The following TENM3 variants were observed in gnomAD, a reference collection of about 807,000 sequenced individuals.
The protein encoded by TENM3 is teneurin-3.
In TENM3, 63 loss-of-function variants were observed where a neutral mutation model predicts 255.1. The ratio of observed to expected loss-of-function variants is 0.25; its 90% CI spans 0.20 to 0.30. TENM3 has a LOEUF of 0.30. Among genes scored for constraint, TENM3 ranks in the 10% least tolerant of loss-of-function variants. TENM3 has a pLI of 1.00. For missense variants in TENM3, 2,929 were observed against 3,461.1 expected (o/e 0.85, Z 3.86); for synonymous variants, 1,306 against 1,322.3 (o/e 0.99, Z 0.27).
intron 5 of TENM3, among the ~76,000 whole-genome samples, chr4:182,646,844 A>C (rs1752793204): frequency 6.6e-6 from 1 of 152,206 alleles, no homozygotes; most frequent in African/African-American, 2.4e-5. Flanking sequence ...AGTTAAAGTG[A>C]GGAGAAAAGA....
chr4:181,849,494 GATTA>G, the TENM3 span, among the ~76,000 whole-genome samples: 1 of 152,102 alleles, frequency 6.6e-6, no homozygotes, highest in African/African-American at 2.4e-5. Flanking sequence ...TAGAGAAAAT[GATTA>G]ATTAGATTTC....
chr4:182,616,868 G>A (rs946016810), intron 4 of TENM3, among the ~76,000 whole-genome samples: 16 of 152,096 alleles, frequency 1.1e-4, no homozygotes, highest in African/African-American at 3.6e-4. Context: ...AGTAAGAACG[G>A]GTAATTTTCT....
rs1579172672 is a variant in TENM3, at chr4:182,704,691, A to G, written c.2222-9396A>G. ...CAGATAATTTTTACACCAAGTTTCC[A>G]AACTGTAAAAAGAATAAAATATGTA... On this transcript the variant is annotated intron_variant, in intron 12 of 27. Coordinates refer to ENST00000511685, the MANE Select transcript of TENM3 (RefSeq NM_001080477.4). 2.0e-5 allele frequency among the ~76,000 whole-genome samples: 3 copies of G among 152,230 alleles called. No individual in the cohort carries two copies. The South Asian group carries it at 6.2e-4, about 32-fold the overall frequency.
At chr4:182,674,064 A>G (rs1755449950) in intron 7 of TENM3, among the ~76,000 whole-genome samples, 2 of 152,224 alleles carry the variant, frequency 1.3e-5, no homozygotes, top group Admixed American at 1.3e-4. Flanking sequence ...ACGTTAGTAC[A>G]TAGAGGAATA....
the TENM3 span, among the ~76,000 whole-genome samples, chr4:181,710,974 T>C: frequency 2.6e-5 from 4 of 152,070 alleles, no homozygotes; most frequent in Non-Finnish European, 5.9e-5. Context: ...AGAAGGGTAC[T>C]TTTAAATATA....
At chr4:182,447,424 C>T (rs1366024420) in intron 3 of TENM3, among the ~76,000 whole-genome samples, 25 of 152,260 alleles carry the variant, frequency 1.6e-4, no homozygotes, top group Non-Finnish European at 3.4e-4. Context: ...ATTCTTGTAG[C>T]ATTGGGTATA....
At chr4:181,533,721 C>T in the TENM3 span, among the ~76,000 whole-genome samples, 1 of 151,656 alleles carries the variant, frequency 6.6e-6, no homozygotes, top group Non-Finnish European at 1.5e-5. Context: ...CATGCCTATA[C>T]CCCTGCCTTT....
At chr4:182,610,910 ATT>A (rs370512327) in intron 4 of TENM3, among the ~76,000 whole-genome samples, 9 of 141,614 alleles carry the variant, frequency 6.4e-5, no homozygotes, top group Admixed American at 1.4e-4. Context: ...TGCCCAGCTA[ATT>A]TTTTTTTTTT....
At chr4:181,807,728 G>A in the TENM3 span, among the ~76,000 whole-genome samples, 2 of 152,034 alleles carry the variant, frequency 1.3e-5, no homozygotes, top group Non-Finnish European at 2.9e-5. Flanking sequence ...GAACATTATT[G>A]GGAATACTTC....
intron 4 of TENM3, among the ~76,000 whole-genome samples, chr4:182,601,586 T>C (rs1056049172): frequency 4.6e-5 from 7 of 152,208 alleles, no homozygotes; most frequent in African/African-American, 7.2e-5. Flanking sequence ...ACATCATATA[T>C]TCATAGTGGA....
chr4:181,955,653 G>T, the TENM3 span, among the ~76,000 whole-genome samples: 1 of 152,186 alleles, frequency 6.6e-6, no homozygotes, highest in Non-Finnish European at 1.5e-5. Context: ...GGGCACAGAT[G>T]ACAAAGGGGC....
At chr4:181,833,062 G>C in the TENM3 span, among the ~76,000 whole-genome samples, 1 of 152,192 alleles carries the variant, frequency 6.6e-6, no homozygotes, top group East Asian at 1.9e-4. Flanking sequence ...TGAAAGAACT[G>C]AGATTGTGTA....
intron 3 of TENM3, among the ~76,000 whole-genome samples, chr4:182,548,173 T>G (rs1045392226): frequency 6.6e-6 from 1 of 152,078 alleles, no homozygotes; most frequent in Non-Finnish European, 1.5e-5. Flanking sequence ...TGCAGTGATC[T>G]ATGATCATAC....
chr4:182,512,974 C>T (rs1279369403), intron 3 of TENM3, among the ~76,000 whole-genome samples: 1 of 152,146 alleles, frequency 6.6e-6, no homozygotes. Context: ...TGGAATAGGA[C>T]ATGATATCCT....
At chr4:182,406,902 C>T (rs1181672508) in intron 3 of TENM3, among the ~76,000 whole-genome samples, 3 of 152,162 alleles carry the variant, frequency 2.0e-5, no homozygotes, top group African/African-American at 7.2e-5. Flanking sequence ...GAAGCAGATT[C>T]GCCATCTTTA....
At chr4:181,689,731 A>G in the TENM3 span, among the ~76,000 whole-genome samples, 1 of 152,152 alleles carries the variant, frequency 6.6e-6, no homozygotes, top group Non-Finnish European at 1.5e-5. Flanking sequence ...AAGTCACTCA[A>G]TTATCGATAA....
Position 182,730,964 on chromosome 4 carries a change from T to C in TENM3, c.2792T>C (p.Ile931Thr). Residue 931 changes from isoleucine to threonine, a missense_variant, in exon 16 of 28, where the codon ATT becomes ACT. Physicochemically the swap from Ile to Thr is moderately conservative, Grantham distance 89. Transcript: ENST00000511685. ...PFLTQYHTVW[I>T]PWNVFYVMDT... ...CTCACTCAGTATCATACTGTGTGGA[T>C]TCCATGGAATGTCTTTTATGTGATG... 3 of 1,613,884 alleles carry C rather than the reference T, an allele frequency of 1.9e-6. No individual in the cohort carries two copies. Among genetic ancestry groups the C allele is most frequent in the South Asian group, 1.1e-5 (1 of 91,078 alleles).
At chr4:182,096,532 A>G in the TENM3 span, among the ~76,000 whole-genome samples, 1 of 152,246 alleles carries the variant, frequency 6.6e-6, no homozygotes, top group African/African-American at 2.4e-5. Context: ...CCACAAATGA[A>G]TGAGTATATA....
In TENM3 at chr4:182,270,820, C is replaced by A. The variant is rs904686220; in HGVS notation, c.-76+27344C>A. The stretch of plus-strand genomic sequence containing the variant: ...ATGGAGAATCTATAGTCAGAATATT[C>A]TTAATTTTTTAATATTCTTAGAGCT... On this transcript the variant is annotated intron_variant, in intron 1 of 27. Coordinates refer to ENST00000511685, the MANE Select transcript of TENM3 (RefSeq NM_001080477.4). Among the ~76,000 whole-genome samples, 6 of 152,234 alleles carry A rather than the reference C, an allele frequency of 3.9e-5. No homozygotes were observed. In the South Asian group the frequency reaches 1.2e-3, roughly 32 times the overall value.
Sources: allele counts gnomAD v4.1 joint callset (sites outside exome capture counted in the v4.1 genomes callset), GRCh38; gene constraint gnomAD v4.1.1; transcripts MANE v1.5; gene names NCBI Gene and HGNC (gene_info 2026-07-23, HGNC 2026-07-21).